EPB41L3: variants seen among roughly 807,000 people sequenced by gnomAD.
EPB41L3 encodes erythrocyte membrane protein band 4.1 like 3, also known as band 4.1-like protein 3.
EPB41L3 carries 57 observed loss-of-function variants against 127.1 expected under a neutral mutation model. The observed-to-expected ratio is 0.45, with a 90% CI of 0.36 to 0.56. The LOEUF (loss-of-function observed/expected upper bound fraction) is 0.56, where lower values mean the gene tolerates loss of function less well. Among genes scored for constraint, EPB41L3 ranks in the 20% least tolerant of loss-of-function variants. EPB41L3 has a pLI of 0.00. For synonymous variants in EPB41L3, 572 were observed against 549.5 expected (o/e 1.04, Z -0.57); for missense variants, 1,273 against 1,372.2 (o/e 0.93, Z 1.14).
chr18:5,478,105 T>C, intron 3 of EPB41L3, 136 bp downstream of exon 3: 2 of 679,518 alleles, frequency 2.9e-6, no homozygotes, highest in South Asian at 4.6e-5. Flanking sequence ...ACTAGGGAAA[T>C]AATTTTATAT....
Position 5,478,254 on chromosome 18 carries a change from G to C in EPB41L3, c.368C>G (p.Thr123Ser). ...KVILLDGSEY[T>S]CDVEKRSRGQ... Reference sequence around the variant, plus strand: ...ACACACACTTACCTCTACATCACAGGTATATTCTGATCCATCGAGAAGTAT... The same window carrying C: ...ACACACACTTACCTCTACATCACAGCTATATTCTGATCCATCGAGAAGTAT... The change falls in exon 3 of 23, where the codon ACC becomes AGC. Residue 123 changes from threonine to serine, a missense_variant. Thr to Ser is a moderately conservative substitution (Grantham distance 58). Coordinates refer to ENST00000341928, the MANE Select transcript of EPB41L3 (RefSeq NM_012307.5). 6.2e-7 allele frequency: 1 copy of C among 1,614,016 alleles called. No homozygotes were observed. Among genetic ancestry groups the C allele is most frequent in the South Asian group, 1.1e-5 (1 of 91,068 alleles).
intron 1 of EPB41L3, among the ~76,000 whole-genome samples, chr18:5,524,355 G>A (rs934203906): frequency 2.0e-5 from 3 of 152,048 alleles, no homozygotes; most frequent in African/African-American, 7.2e-5. Context: ...CACCACGCCT[G>A]GCTAATTTTT....
In EPB41L3 at chr18:5,593,606, T is replaced by C. The variant is rs578091170; in HGVS notation, c.-306+18734A>G. Among the ~76,000 whole-genome samples the C allele has an allele frequency of 5.4e-4, 82 of 152,260 alleles. No individual in the cohort carries two copies. In the South Asian group the frequency reaches 6.6e-3, roughly 12 times the overall value. ...CACCATTGTCATTGAAAACATCTTA[T>C]CAGGAGACAGGGTTTGAGAGCAACC... On this transcript the variant is annotated intron_variant, in intron 3 of 21. Transcript: ENST00000545076.
chr18:5,608,320 T>C (rs546337160), intron 3 of EPB41L3, among the ~76,000 whole-genome samples: 3 of 152,008 alleles, frequency 2.0e-5, no homozygotes, highest in Admixed American at 1.3e-4. Flanking sequence ...GTAGGCATTA[T>C]GCCATACAGC....
At chr18:5,574,018 C>A (rs1474087611) in intron 3 of EPB41L3, among the ~76,000 whole-genome samples, 1 of 151,556 alleles carries the variant, frequency 6.6e-6, no homozygotes, top group Non-Finnish European at 1.5e-5. Flanking sequence ...TCAAGCGATT[C>A]TCCTGCGTCA....
exon 1 of EPB41L3, chr18:5,628,988 A>G (rs898689001): frequency 6.6e-6 from 1 of 152,050 alleles, no homozygotes; most frequent in Non-Finnish European, 1.5e-5. Flanking sequence ...AGGACGCGCC[A>G]AAGGGAGTTG....
chr18:5,415,919 G>C lies in EPB41L3; in HGVS notation c.1966C>G (p.Leu656Val), dbSNP rs144002108. ...ASFSVPYALT[L>V]SFPLALCLCY... is the part of the protein sequence containing the mutation. ...AGGCACAGAGCCAGAGGGAAGGAGA[G>C]AGTGAGAGCGTATGGCACTGAGAAG... The change falls in exon 13 of 23, where the codon CTC becomes GTC. Residue 656 changes from leucine to valine, a missense_variant. Transcript: ENST00000341928. The C allele has an allele frequency of 8.1e-6, 13 of 1,613,942 alleles. No individual in the cohort carries two copies. In the South Asian group the frequency reaches 1.3e-4, roughly 16 times the overall value.
At chr18:5,528,307 A>G (rs2093301016) in intron 1 of EPB41L3, among the ~76,000 whole-genome samples, 1 of 151,718 alleles carries the variant, frequency 6.6e-6, no homozygotes, top group South Asian at 2.1e-4. Flanking sequence ...TAGTAGCTGG[A>G]ACTACAGGCA....
chr18:5,488,124 C>T (rs567804728), intron 2 of EPB41L3, among the ~76,000 whole-genome samples: 14 of 152,194 alleles, frequency 9.2e-5, no homozygotes, highest in African/African-American at 3.4e-4. Context: ...AAAAGTAATG[C>T]ATTATTCCTG....
At chr18:5,469,510 C>T (rs966188706) in intron 3 of EPB41L3, among the ~76,000 whole-genome samples, 1 of 152,182 alleles carries the variant, frequency 6.6e-6, no homozygotes, top group African/African-American at 2.4e-5. Context: ...CTTGCTCATG[C>T]ACCGATCATC....
At position 5,423,514 on chromosome 18, in the gene EPB41L3, G is replaced by T; in HGVS notation, c.1203C>A (p.Thr401=). 6.2e-7 allele frequency: 1 copy of T among 1,613,108 alleles called. No individual in the cohort carries two copies. Among genetic ancestry groups the T allele is most frequent in the Non-Finnish European group, 8.5e-7 (1 of 1,179,356 alleles). ...CACTATAACGAAACTTGGAACCCAAGGTTAGGAATTTCTTGGGAGGTGCTT... is the reference window on the plus strand; with the variant it reads ...CACTATAACGAAACTTGGAACCCAATGTTAGGAATTTCTTGGGAGGTGCTT... ...LPEAPPKKFL[T]LGSKFRYSGR... is the part of the protein sequence containing the mutation. The change falls in exon 11 of 23, where the codon ACC becomes ACA. Residue 401 remains threonine, a synonymous_variant. Coordinates refer to ENST00000341928, the MANE Select transcript of EPB41L3 (RefSeq NM_012307.5).
intron 12 of EPB41L3, among the ~76,000 whole-genome samples, chr18:5,418,868 T>G (rs998790713): frequency 8.5e-5 from 13 of 152,186 alleles, no homozygotes; most frequent in Non-Finnish European, 4.4e-5. Flanking sequence ...TGAATCAAAT[T>G]TACTCAAATT....
At chr18:5,467,939 C>T (rs1022428395) in intron 3 of EPB41L3, among the ~76,000 whole-genome samples, 2 of 152,166 alleles carry the variant, frequency 1.3e-5, no homozygotes, top group Non-Finnish European at 2.9e-5. Context: ...TTGGGCATCC[C>T]TGCACTCTCA....
chr18:5,610,212 G>T (rs890300956), intron 3 of EPB41L3: 63 of 985,266 alleles, frequency 6.4e-5, no homozygotes, highest in Non-Finnish European at 7.6e-5. Flanking sequence ...CATATTCCAT[G>T]TTCCAAGTGA....
At chr18:5,605,944 G>A (rs1334209544) in intron 3 of EPB41L3, among the ~76,000 whole-genome samples, 1 of 152,064 alleles carries the variant, frequency 6.6e-6, no homozygotes, top group African/African-American at 2.4e-5. Flanking sequence ...GAAGGAGGAG[G>A]ATGAAAAAAA....
At chr18:5,588,447 A>C (rs542613531) in intron 3 of EPB41L3, among the ~76,000 whole-genome samples, 169 of 152,090 alleles carry the variant, frequency 1.1e-3, no homozygotes, top group African/African-American at 3.9e-3. Context: ...TATTAAACAC[A>C]ATACATATTT....
In EPB41L3 at chr18:5,405,820, C is replaced by CA. The variant is rs138889624; in HGVS notation, c.2349+956dup. Among the ~76,000 whole-genome samples the CA allele has an allele frequency of 1.0e-3, 147 of 146,802 alleles. 1 individual carries two copies. The highest frequency in any genetic ancestry group is 3.5e-3 in the African/African-American group (138 of 39,714). On this transcript the variant is annotated intron_variant, in intron 16 of 22. Coordinates refer to ENST00000341928, the MANE Select transcript of EPB41L3 (RefSeq NM_012307.5). The stretch of plus-strand genomic sequence containing the variant: ...AACAAAAACAAAAAAAACTATGTCT[C>CA]AAAAAAAAAAAAAAATCTCTTTAAA...
chr18:5,445,508 TGA>T (rs2081346293), intron 3 of EPB41L3, among the ~76,000 whole-genome samples: 1 of 152,184 alleles, frequency 6.6e-6, no homozygotes, highest in Non-Finnish European at 1.5e-5. Flanking sequence ...TATGTACAGG[TGA>T]CCAGTGGGTG....
chr18:5,442,120 A>G (rs1437812127), intron 5 of EPB41L3, among the ~76,000 whole-genome samples: 2 of 152,226 alleles, frequency 1.3e-5, no homozygotes, highest in Non-Finnish European at 2.9e-5. Flanking sequence ...GATGAATAAG[A>G]GAACTTTATG....
Sources: gnomAD v4.1 joint callset for allele counts (sites outside exome capture counted in the v4.1 genomes callset) on GRCh38, gnomAD v4.1.1 for gene constraint, MANE v1.5 for transcripts, NCBI Gene and HGNC (gene_info 2026-07-23, HGNC 2026-07-21) for gene names.